The following EIF3J variants were observed in gnomAD, a reference collection of about 807,000 sequenced individuals.
The protein encoded by EIF3J is eukaryotic translation initiation factor 3 subunit J.
EIF3J carries 15 observed loss-of-function variants against 39.0 expected under a neutral mutation model. The observed-to-expected ratio is 0.38, with a 90% CI of 0.26 to 0.59. The LOEUF is 0.59. EIF3J is among the 20% of genes least tolerant of loss of function. The probability of loss-of-function intolerance (pLI) is 0.60; values close to 1 mark genes in which losing one functional copy is unlikely to be tolerated. For missense variants in EIF3J, 226 were observed against 308.6 expected (o/e 0.73, Z 2.00); for synonymous variants, 98 against 112.9 (o/e 0.87, Z 0.84).
chr15:44,552,825 G>A (rs554606479), intron 4 of EIF3J, among the ~76,000 whole-genome samples: 3 of 152,214 alleles, frequency 2.0e-5, no homozygotes, highest in Admixed American at 6.5e-5. Context: ...CTCCCAGAGT[G>A]CTAGGATTAT....
At chr15:44,560,651 TATTTATAA>T in intron 7 of EIF3J, 1 of 341,294 alleles carries the variant, frequency 2.9e-6, no homozygotes, top group Non-Finnish European at 5.3e-6. Flanking sequence ...CTTTGCAGAG[TATTTATAA>T]GAGTAAAGTA....
In EIF3J at chr15:44,551,566, G is replaced by A. The variant is rs376976634; in HGVS notation, c.294+44G>A. On this transcript the variant is annotated intron_variant, in intron 4 of 7. Coordinates refer to ENST00000261868, the MANE Select transcript of EIF3J (RefSeq NM_003758.4). ...AATACAGAATTCTCACATCGGTAGT[G>A]GTATAGTTTCTAACAGGCTGCAAAT... 7.0e-5 allele frequency: 100 copies of A among 1,438,054 alleles called. 1 individual carries two copies. The highest frequency in any genetic ancestry group is 3.5e-4 in the East Asian group (15 of 42,606). 89.1% of individuals were successfully genotyped at this position (1,438,054 alleles called of 1,614,324 possible). A position where few individuals can be genotyped will look rare whatever the true frequency, so the allele number is the denominator to read the frequency against.
At chr15:44,548,126 AT>A (rs2082069350) in intron 2 of EIF3J, among the ~76,000 whole-genome samples, 1 of 152,208 alleles carries the variant, frequency 6.6e-6, no homozygotes. Flanking sequence ...AGCCTCTGTA[AT>A]TAAAACAGTA....
intron 4 of EIF3J, 74 bp downstream of exon 4, chr15:44,551,596 C>A (rs767778901): frequency 8.6e-7 from 1 of 1,163,778 alleles, no homozygotes; most frequent in East Asian, 2.5e-5. Flanking sequence ...GCAAATATTA[C>A]CTAGGAATTT....
chr15:44,540,910 G>GT (rs1382289899), intron 2 of EIF3J, among the ~76,000 whole-genome samples: 2 of 152,196 alleles, frequency 1.3e-5, no homozygotes, highest in African/African-American at 4.8e-5. Flanking sequence ...GAAAACTGAT[G>GT]TTTTTGTTAT....
intron 5 of EIF3J, among the ~76,000 whole-genome samples, chr15:44,555,540 C>T (rs2082137398): frequency 6.6e-6 from 1 of 152,162 alleles, no homozygotes; most frequent in South Asian, 2.1e-4. Context: ...TGCTCCTGTG[C>T]ACCATTGTAT....
intron 2 of EIF3J, among the ~76,000 whole-genome samples, chr15:44,537,893 A>G (rs2081973649): frequency 6.6e-6 from 1 of 152,220 alleles, no homozygotes; most frequent in Non-Finnish European, 1.5e-5. Flanking sequence ...GAGGGATTAG[A>G]TGAGTGAAAT....
intron 2 of EIF3J, among the ~76,000 whole-genome samples, chr15:44,545,617 A>G (rs2082046880): frequency 6.6e-6 from 1 of 152,226 alleles, no homozygotes. Context: ...TTTATGGGGT[A>G]TATTGTGATG....
At chr15:44,539,521 C>T (rs1249954874) in intron 2 of EIF3J, among the ~76,000 whole-genome samples, 1 of 151,614 alleles carries the variant, frequency 6.6e-6, no homozygotes, top group East Asian at 1.9e-4. Flanking sequence ...CATTCTCCTG[C>T]CTCAGCCTCC....
At chr15:44,547,332 G>C (rs545801245) in intron 2 of EIF3J, among the ~76,000 whole-genome samples, 2 of 151,330 alleles carry the variant, frequency 1.3e-5, no homozygotes, top group Non-Finnish European at 2.9e-5. Context: ...TAGTAGAGAC[G>C]GGGTTTCTCC....
chr15:44,559,568 A>G (rs1391382437), intron 6 of EIF3J, among the ~76,000 whole-genome samples: 4 of 151,758 alleles, frequency 2.6e-5, no homozygotes, highest in Admixed American at 6.6e-5. Flanking sequence ...TTAGCTGGGC[A>G]TGGTGGCGGG....
chr15:44,557,661 C>G lies in EIF3J; in HGVS notation c.571+11C>G, dbSNP rs755524494. 2 of 1,444,926 alleles carry G rather than the reference C, an allele frequency of 1.4e-6. No homozygotes were observed. Among genetic ancestry groups the G allele is most frequent in the African/African-American group, 2.9e-5 (2 of 68,988 alleles). 89.5% of individuals were successfully genotyped at this position (1,444,926 alleles called of 1,614,324 possible). Reference sequence around the variant, plus strand: ...ATGTGTGTATTTCATGTAAGTAATTCTAATTTCTAGCCCCTCTGGGTAGAT... The same window carrying G: ...ATGTGTGTATTTCATGTAAGTAATTGTAATTTCTAGCCCCTCTGGGTAGAT... On this transcript the variant is annotated intron_variant, in intron 6 of 7. Transcript: ENST00000261868.
At chr15:44,559,647 C>T (rs2082174904) in intron 6 of EIF3J, among the ~76,000 whole-genome samples, 1 of 150,404 alleles carries the variant, frequency 6.6e-6, no homozygotes. Flanking sequence ...GCGCAGGTTG[C>T]AGTGAGCCGA....
chr15:44,561,356 T>TAA lies in EIF3J; in HGVS notation c.*208_*209dup. On this transcript the variant is annotated 3_prime_UTR_variant, in exon 8 of 8. Coordinates refer to ENST00000261868, the MANE Select transcript of EIF3J (RefSeq NM_003758.4). ...TGCCAAGGGGTTAAAATTGGGAACC[T>TAA]AAGTTGCTACTAAATCATAGTTCAA... 2.3e-6 allele frequency: 1 copy of TAA among 438,000 alleles called. No homozygotes were observed. The highest frequency in any genetic ancestry group is 3.9e-5 in the East Asian group (1 of 25,660). 27.1% of individuals were successfully genotyped at this position (438,000 alleles called of 1,614,324 possible). A position where few individuals can be genotyped will look rare whatever the true frequency, so the allele number is the denominator to read the frequency against.
intron 2 of EIF3J, among the ~76,000 whole-genome samples, chr15:44,546,614 G>T (rs2082054639): frequency 1.3e-5 from 2 of 152,106 alleles, no homozygotes; most frequent in South Asian, 4.2e-4. Context: ...GCTTCAAATG[G>T]CATGTCATAG....
intron 4 of EIF3J, among the ~76,000 whole-genome samples, chr15:44,553,004 A>C (rs2082113254): frequency 2.6e-5 from 4 of 151,806 alleles, no homozygotes; most frequent in Admixed American, 2.6e-4. Flanking sequence ...TGGACAACAT[A>C]GGGAGACCCC....
At chr15:44,553,753 G>A (rs1475023379) in intron 4 of EIF3J, among the ~76,000 whole-genome samples, 3 of 151,968 alleles carry the variant, frequency 2.0e-5, no homozygotes, top group South Asian at 4.1e-4. Flanking sequence ...ACATTCTTGG[G>A]CTTACATATT....
intron 2 of EIF3J, among the ~76,000 whole-genome samples, chr15:44,545,750 G>T (rs2082047828): frequency 6.6e-6 from 1 of 152,024 alleles, no homozygotes; most frequent in Admixed American, 6.6e-5. Context: ...ATTGTTATTA[G>T]CTATAATCAC....
chr15:44,539,594 G>A (rs1299040337), intron 2 of EIF3J, among the ~76,000 whole-genome samples: 1 of 151,358 alleles, frequency 6.6e-6, no homozygotes, highest in Non-Finnish European at 1.5e-5. Context: ...TAGAGACGGG[G>A]TTTCACCGTG....
Sources: allele counts gnomAD v4.1 joint callset (sites outside exome capture counted in the v4.1 genomes callset), GRCh38; gene constraint gnomAD v4.1.1; transcripts MANE v1.5; gene names NCBI Gene and HGNC (gene_info 2026-07-23, HGNC 2026-07-21).